Variants in ATP9B observed in about 807,000 individuals in gnomAD.
ATP9B encodes probable phospholipid-transporting ATPase IIB.
In ATP9B, 110 loss-of-function variants were observed where a neutral mutation model predicts 146.1. The ratio of observed to expected loss-of-function variants is 0.75; its 90% CI spans 0.65 to 0.88. ATP9B has a LOEUF of 0.88. ATP9B is among the 40% of genes least tolerant of loss of function. The pLI, the probability that ATP9B is intolerant of heterozygous loss-of-function variation, is 0.00. For missense variants in ATP9B, 1,499 were observed against 1,496.4 expected (o/e 1.00, Z -0.03); for synonymous variants, 604 against 569.7 (o/e 1.06, Z -0.86).
chr18:79,300,567 G>A (rs1272953179), intron 13 of ATP9B, among the ~76,000 whole-genome samples: 1 of 152,156 alleles, frequency 6.6e-6, no homozygotes, highest in East Asian at 1.9e-4. Flanking sequence ...AAACCCCTTT[G>A]TGAGGACACT....
At chr18:79,143,892 T>A in intron 6 of ATP9B, 32 bp downstream of exon 6, 7 of 1,358,856 alleles carry the variant, frequency 5.2e-6, no homozygotes, top group Non-Finnish European at 5.1e-6. Context: ...TTTAGACCTA[T>A]GTATGCTAGT....
At chr18:79,186,181 A>G (rs2095306834) in intron 8 of ATP9B, among the ~76,000 whole-genome samples, 1 of 152,218 alleles carries the variant, frequency 6.6e-6, no homozygotes, top group African/African-American at 2.4e-5. Context: ...GTATAGCAGT[A>G]AACAATACCA....
chr18:79,334,787 C>A (rs1268239933), intron 17 of ATP9B, among the ~76,000 whole-genome samples: 2 of 151,572 alleles, frequency 1.3e-5, no homozygotes, highest in Admixed American at 6.6e-5. Context: ...ACGCCCACCC[C>A]CCCCTTGTGC....
intron 4 of ATP9B, 112 bp from the exon 5 acceptor site, chr18:79,126,153 TTA>T: frequency 1.3e-6 from 1 of 795,012 alleles, no homozygotes; most frequent in South Asian, 2.1e-5. Context: ...TTCATTTATT[TTA>T]TGTTTTAGAG....
At chr18:79,115,746 C>T (rs2094062037) in intron 4 of ATP9B, 1 of 65,740 alleles carries the variant, frequency 1.5e-5, no homozygotes, top group Non-Finnish European at 2.8e-5. Flanking sequence ...GGATCCCTTC[C>T]TTACACCTTA....
At chr18:79,314,044 G>A (rs575434009) in intron 15 of ATP9B, among the ~76,000 whole-genome samples, 28 of 152,246 alleles carry the variant, frequency 1.8e-4, no homozygotes, top group Non-Finnish European at 2.5e-4. Flanking sequence ...CCAAAGTACC[G>A]TTTTAAAAGC....
chr18:79,362,339 C>A (rs1412597030), intron 26 of ATP9B: 1 of 152,188 alleles, frequency 6.6e-6, no homozygotes, highest in African/African-American at 2.4e-5. Context: ...CACACATCGA[C>A]ACAGTATCTG....
At chr18:79,376,200 C>G (rs934171773) in intron 29 of ATP9B, 1 of 968,310 alleles carries the variant, frequency 1.0e-6, no homozygotes. Flanking sequence ...CACACACACA[C>G]ACACACACAC....
intron 7 of ATP9B, among the ~76,000 whole-genome samples, chr18:79,161,802 C>T (rs913774021): frequency 1.3e-5 from 2 of 152,152 alleles, no homozygotes; most frequent in African/African-American, 4.8e-5. Context: ...GCCGAGTTCG[C>T]ACCACTGCAC....
intron 26 of ATP9B, chr18:79,359,964 G>T (rs977129940): frequency 4.9e-5 from 8 of 164,124 alleles, no homozygotes; most frequent in Admixed American, 3.5e-4. Flanking sequence ...ACATGTGTCT[G>T]TCCCTAGGGT....
At chr18:79,164,691 G>C (rs538347123) in intron 7 of ATP9B, among the ~76,000 whole-genome samples, 7 of 152,168 alleles carry the variant, frequency 4.6e-5, no homozygotes, top group African/African-American at 1.7e-4. Flanking sequence ...TGCACTCCAG[G>C]CTGGGTGACA....
intron 11 of ATP9B, among the ~76,000 whole-genome samples, chr18:79,246,826 C>G (rs538582460): frequency 2.0e-5 from 3 of 152,180 alleles, no homozygotes; most frequent in Admixed American, 6.5e-5. Context: ...CAGCGGTGAT[C>G]GGCAGTGTAG....
At chr18:79,075,232 G>T (rs1242820616) in intron 1 of ATP9B, among the ~76,000 whole-genome samples, 1 of 152,136 alleles carries the variant, frequency 6.6e-6, no homozygotes, top group African/African-American at 2.4e-5. Context: ...GCTCACTACA[G>T]CCTCGACCTT....
chr18:79,173,316 A>G (rs1303730393), intron 7 of ATP9B, among the ~76,000 whole-genome samples: 1 of 152,036 alleles, frequency 6.6e-6, no homozygotes, highest in East Asian at 1.9e-4. Context: ...TTACATATTC[A>G]AAGTATTTAA....
intron 1 of ATP9B, among the ~76,000 whole-genome samples, chr18:79,092,743 G>T (rs893760792): frequency 2.1e-5 from 3 of 145,462 alleles, no homozygotes; most frequent in African/African-American, 7.7e-5. Context: ...TTCCACCTCC[G>T]CATTATGTCA....
intron 16 of ATP9B, 36 bp downstream of exon 16, chr18:79,329,338 A>C (rs1247770281): frequency 2.7e-6 from 4 of 1,508,852 alleles, no homozygotes; most frequent in Non-Finnish European, 3.6e-6. Flanking sequence ...CGATGGCTTC[A>C]GACATTTTGT....
intron 12 of ATP9B, among the ~76,000 whole-genome samples, chr18:79,264,871 C>A (rs1599403162): frequency 6.6e-6 from 1 of 152,084 alleles, no homozygotes; most frequent in Non-Finnish European, 1.5e-5. Context: ...TGTATTCTCG[C>A]CAAATAACAA....
At chr18:79,201,117 ATTTAC>A (rs1182362164) in intron 9 of ATP9B, among the ~76,000 whole-genome samples, 18 of 152,182 alleles carry the variant, frequency 1.2e-4, no homozygotes, top group African/African-American at 4.3e-4. Flanking sequence ...TTAAAGATAC[ATTTAC>A]TTTGTGTAAA....
chr18:79,248,931 T>A (rs60179581), intron 11 of ATP9B, among the ~76,000 whole-genome samples: 8,628 of 152,280 alleles, frequency 0.057, 464 homozygotes, highest in African/African-American at 0.14. Context: ...CCTGAGACTT[T>A]ACAGCATTCG....
Sources: gnomAD v4.1 joint callset for allele counts (sites outside exome capture counted in the v4.1 genomes callset) on GRCh38, gnomAD v4.1.1 for gene constraint, MANE v1.5 for transcripts, NCBI Gene and HGNC (gene_info 2026-07-23, HGNC 2026-07-21) for gene names.